Variants in GDAP1 observed in about 807,000 individuals in gnomAD.
GDAP1 encodes the protein ganglioside-induced differentiation-associated protein 1.
A neutral mutation model predicts 40.1 loss-of-function variants in GDAP1; 34 were observed. The ratio of observed to expected loss-of-function variants is 0.85; its 90% CI spans 0.64 to 1.13. The LOEUF is 1.13. Ranked by LOEUF, GDAP1 falls within the 50% of genes most tolerant of loss-of-function variation. The pLI, the probability that GDAP1 is intolerant of heterozygous loss-of-function variation, is 0.00. For synonymous variants in GDAP1, 170 were observed against 157.4 expected, an observed-to-expected ratio of 1.08 and a Z score of -0.60; for missense variants, 374 against 433.7, an observed-to-expected ratio of 0.86 and a Z score of 1.22.
intron 2 of GDAP1, among the ~76,000 whole-genome samples, chr8:74,467,421 A>G (rs76109368): frequency 3.3e-4 from 51 of 152,316 alleles, no homozygotes; most frequent in Non-Finnish European, 5.9e-4. Flanking sequence ...ACATAAGTTC[A>G]AAGTGTGATG....
rs1484511564 is a variant in GDAP1, at chr8:74,351,393, C to T, written c.237C>T (p.Val79=). 1.9e-6 allele frequency: 3 copies of T among 1,613,278 alleles called. No homozygotes were observed. The highest frequency in any genetic ancestry group is 2.5e-6 in the Non-Finnish European group (3 of 1,179,164). Residue 79 remains valine, a synonymous_variant, in exon 2 of 6, where the codon GTC becomes GTT. Transcript: ENST00000220822. ...MRLNSTGEVP[V]LIHGENIICE... ...TGAACTCAACTGGAGAAGTGCCTGTCCTTATCCACGGGGAAAACATAATTT... is the reference window on the plus strand; with the variant it reads ...TGAACTCAACTGGAGAAGTGCCTGTTCTTATCCACGGGGAAAACATAATTT...
chr8:74,482,678 G>A (rs188064580), intron 2 of GDAP1, among the ~76,000 whole-genome samples: 4 of 152,058 alleles, frequency 2.6e-5, no homozygotes, highest in Admixed American at 6.6e-5. Flanking sequence ...CTTTCTCCAC[G>A]ACACATGCAT....
At chr8:74,432,831 A>G (rs1402091644) in intron 2 of GDAP1, among the ~76,000 whole-genome samples, 2 of 152,332 alleles carry the variant, frequency 1.3e-5, no homozygotes, top group East Asian at 1.9e-4. Flanking sequence ...ATATGTTGGT[A>G]TCAATATTAT....
At chr8:74,362,129 A>C in intron 4 of GDAP1, 151 bp downstream of exon 4, 1 of 668,488 alleles carries the variant, frequency 1.5e-6, no homozygotes, top group Non-Finnish European at 2.7e-6. Flanking sequence ...TCCTTTTAGA[A>C]AGAATTTTTT....
At chr8:74,470,406 C>T (rs1806535103) in intron 2 of GDAP1, among the ~76,000 whole-genome samples, 2 of 151,914 alleles carry the variant, frequency 1.3e-5, no homozygotes, top group African/African-American at 4.8e-5. Context: ...CTCCCCTCTA[C>T]CCCCACCCCA....
chr8:74,485,458 AGGT>A (rs1161341810), intron 2 of GDAP1, among the ~76,000 whole-genome samples: 2 of 152,202 alleles, frequency 1.3e-5, no homozygotes, highest in Non-Finnish European at 2.9e-5. Context: ...GTGATAGATT[AGGT>A]GGTCCCTCGG....
intron 2 of GDAP1, among the ~76,000 whole-genome samples, chr8:74,381,130 C>A (rs1028847068): frequency 6.6e-6 from 1 of 151,878 alleles, no homozygotes; most frequent in East Asian, 1.9e-4. Flanking sequence ...TGAGTGTATT[C>A]ATAGTCAAAA....
chr8:74,482,121 G>GT (rs1279131209), intron 2 of GDAP1, among the ~76,000 whole-genome samples: 1 of 31,274 alleles, frequency 3.2e-5, no homozygotes, highest in African/African-American at 4.0e-4. Flanking sequence ...TTTTTTTTTG[G>GT]GGGGGGGGGG....
chr8:74,352,528 G>A (rs2131498330), intron 2 of GDAP1, among the ~76,000 whole-genome samples: 2 of 152,372 alleles, frequency 1.3e-5, no homozygotes, highest in East Asian at 3.9e-4. Flanking sequence ...ATTAGGCCTA[G>A]ATGGTGGGCA....
chr8:74,438,462 A>G (rs1358814040), intron 2 of GDAP1, among the ~76,000 whole-genome samples: 1 of 152,106 alleles, frequency 6.6e-6, no homozygotes, highest in East Asian at 1.9e-4. Flanking sequence ...GTGTGAAATG[A>G]TATTTCACTG....
At chr8:74,416,535 C>T (rs977724428) in intron 2 of GDAP1, among the ~76,000 whole-genome samples, 1 of 150,224 alleles carries the variant, frequency 6.7e-6, no homozygotes, top group South Asian at 2.1e-4. Context: ...ATGACTAGTT[C>T]GTTACTACTA....
rs148535054 is a variant in GDAP1 at position 74,359,312 on chromosome 8, G to A, written c.311-825G>A. On this transcript the variant is annotated intron_variant, in intron 2 of 5. Transcript: ENST00000220822. Reference sequence around the variant, plus strand: ...TTGGAAATTTTGGAATGTATTCATTGTAATTTATTAAACACCTACTACATG... The same window carrying A: ...TTGGAAATTTTGGAATGTATTCATTATAATTTATTAAACACCTACTACATG... Among the ~76,000 whole-genome samples the A allele has an allele frequency of 9.8e-5, 15 of 152,286 alleles. No homozygotes were observed. The East Asian group carries it at 2.5e-3, about 25-fold the overall frequency.
In GDAP1 at chr8:74,364,195, C is replaced by G; in HGVS notation, c.905C>G (p.Ser302Cys). 6.2e-7 allele frequency: 1 copy of G among 1,614,184 alleles called. No homozygotes were observed. The highest frequency in any genetic ancestry group is 8.5e-7 in the Non-Finnish European group (1 of 1,180,006). Reference sequence around the variant, plus strand: ...GGACATGTCAACAATATATTAATCTCTGCAGTGCTGCCAACAGCATTCCGG... The same window carrying G: ...GGACATGTCAACAATATATTAATCTGTGCAGTGCTGCCAACAGCATTCCGG... ...VLGHVNNILI[S>C]AVLPTAFRVA... The change falls in exon 6 of 6, where the codon TCT becomes TGT. Residue 302 changes from serine to cysteine, a missense_variant. Coordinates refer to ENST00000220822, the MANE Select transcript of GDAP1 (RefSeq NM_018972.4).
At chr8:74,378,000 A>T (rs1043469726) in intron 2 of GDAP1, among the ~76,000 whole-genome samples, 1 of 152,232 alleles carries the variant, frequency 6.6e-6, no homozygotes, top group Non-Finnish European at 1.5e-5. Context: ...AAAACATGCT[A>T]TGTGAGGAGG....
intron 2 of GDAP1, among the ~76,000 whole-genome samples, chr8:74,353,489 T>A (rs1199253906): frequency 6.7e-6 from 1 of 148,292 alleles, no homozygotes; most frequent in Non-Finnish European, 1.5e-5. Flanking sequence ...CTCAGAGTAC[T>A]GAAATTTTAA....
intron 2 of GDAP1, among the ~76,000 whole-genome samples, chr8:74,435,243 T>G (rs187818412): frequency 6.6e-5 from 10 of 152,250 alleles, no homozygotes; most frequent in Non-Finnish European, 1.2e-4. Context: ...CCTGAGGAGC[T>G]TACACCTTAA....
rs900402849 is a variant in GDAP1 at position 74,366,114 on chromosome 8, T to A, written c.*1747T>A. ...AAATTAGAAGTCCATGGTTAACTTT[T>A]CCTTCAATTTATATTATTCCTGAAT... On this transcript the variant is annotated 3_prime_UTR_variant, in exon 6 of 6. Transcript: ENST00000220822. 4 of 444,088 alleles carry A rather than the reference T, an allele frequency of 9.0e-6. No homozygotes were observed. Among genetic ancestry groups the A allele is most frequent in the Admixed American group, 2.5e-5 (1 of 40,214 alleles). 27.5% of individuals were successfully genotyped at this position (444,088 alleles called of 1,614,324 possible).
At chr8:74,392,773 C>A (rs934670120) in intron 2 of GDAP1, among the ~76,000 whole-genome samples, 1 of 152,140 alleles carries the variant, frequency 6.6e-6, no homozygotes, top group Non-Finnish European at 1.5e-5. Context: ...CAGTTTTCCC[C>A]AAACACTTTT....
chr8:74,411,979 G>A (rs998818346), intron 2 of GDAP1, among the ~76,000 whole-genome samples: 1 of 149,832 alleles, frequency 6.7e-6, no homozygotes, highest in East Asian at 1.9e-4. Context: ...TCATTCCTGT[G>A]TCCCAAACAT....
Sources: allele counts gnomAD v4.1 joint callset (sites outside exome capture counted in the v4.1 genomes callset), GRCh38; gene constraint gnomAD v4.1.1; transcripts MANE v1.5; gene names NCBI Gene and HGNC (gene_info 2026-07-23, HGNC 2026-07-21).